Variants in NOVA1 observed in about 807,000 individuals in gnomAD.
NOVA1 encodes NOVA alternative splicing regulator 1, also known as RNA-binding protein Nova-1.
NOVA1 carries 7 observed loss-of-function variants against 38.0 expected under a neutral mutation model. The observed-to-expected ratio is 0.18, with a 90% CI of 0.10 to 0.35. The LOEUF is 0.35. Ranked by LOEUF, NOVA1 falls within the 10% of genes least tolerant of loss-of-function variation. The pLI is 1.00. For missense variants in NOVA1, 460 were observed against 616.0 expected (o/e 0.75, Z 2.68); for synonymous variants, 270 against 232.5 (o/e 1.16, Z -1.47).
At chr14:26,460,936 A>G (rs1244475047) in intron 4 of NOVA1, among the ~76,000 whole-genome samples, 1 of 151,936 alleles carries the variant, frequency 6.6e-6, no homozygotes, top group Non-Finnish European at 1.5e-5. Flanking sequence ...TGAACTGTAT[A>G]CACACACACA....
At position 26,448,705 on chromosome 14, in the gene NOVA1, C is replaced by A. The variant is rs200148996; in HGVS notation, c.778G>T (p.Gly260Cys). 2 of 1,614,082 alleles carry A rather than the reference C, an allele frequency of 1.2e-6. No homozygotes were observed. Among genetic ancestry groups the A allele is most frequent in the Non-Finnish European group, 1.7e-6 (2 of 1,180,040 alleles). The change falls in exon 5 of 5, where the codon GGT becomes TGT. Residue 260 changes from glycine (G) to cysteine (C), a missense_variant. Coordinates refer to ENST00000539517, the MANE Select transcript of NOVA1 (RefSeq NM_002515.3). The surrounding 1 kb of genome is among the most constrained non-coding windows in gnomAD (Gnocchi z 5.3). ...GTTGGATTGGAATTTGCCACTGGAC[C>A]TGTCACATTGGCATAACTGATATTG... is the stretch of plus-strand genomic sequence containing the variant. ...CLNISYANVT[G>C]PVANSNPTGS...
intron 3 of NOVA1, among the ~76,000 whole-genome samples, chr14:26,477,696 A>G (rs1331531990): frequency 6.6e-6 from 1 of 152,138 alleles, no homozygotes; most frequent in Admixed American, 6.5e-5. Context: ...TTTCAGAAGT[A>G]AAATTAAGGT....
At chr14:26,596,040 G>A (rs1001373793) in intron 1 of NOVA1, 3 of 251,768 alleles carry the variant, frequency 1.2e-5, no homozygotes, top group African/African-American at 2.3e-5. Context: ...ATTAGCCATT[G>A]CCTATATCCT....
intron 2 of NOVA1, among the ~76,000 whole-genome samples, chr14:26,553,347 C>G (rs1450906080): frequency 6.6e-6 from 1 of 152,220 alleles, no homozygotes; most frequent in Non-Finnish European, 1.5e-5. Flanking sequence ...AGTGCCTTCT[C>G]CTGTCCCCAT....
chr14:26,546,719 T>G (rs1890809198), intron 2 of NOVA1, among the ~76,000 whole-genome samples: 2 of 152,148 alleles, frequency 1.3e-5, no homozygotes, highest in Admixed American at 1.3e-4. Flanking sequence ...ACATAAGTAC[T>G]GAAAAATTCA....
chr14:26,488,207 T>C (rs117771107), intron 2 of NOVA1, among the ~76,000 whole-genome samples: 4 of 152,268 alleles, frequency 2.6e-5, no homozygotes, highest in Admixed American at 6.5e-5. Context: ...AAAGTCAACA[T>C]AGTGAAGGCC....
At chr14:26,573,042 G>C (rs138330294) in intron 2 of NOVA1, among the ~76,000 whole-genome samples, 3 of 151,962 alleles carry the variant, frequency 2.0e-5, no homozygotes, top group Non-Finnish European at 4.4e-5. Flanking sequence ...AGGGATCTAC[G>C]GGGCCAAGGA....
chr14:26,539,191 T>A (rs2138588422), intron 2 of NOVA1, among the ~76,000 whole-genome samples: 1 of 152,284 alleles, frequency 6.6e-6, no homozygotes, highest in African/African-American at 2.4e-5. Flanking sequence ...ATCCCCAGCA[T>A]GCAGGACAGT....
chr14:26,476,943 G>A (rs545996452), intron 3 of NOVA1, among the ~76,000 whole-genome samples: 13 of 148,442 alleles, frequency 8.8e-5, no homozygotes, highest in South Asian at 4.1e-4. Flanking sequence ...TCAAACTCCC[G>A]ACCTCAGGTG....
intron 2 of NOVA1, among the ~76,000 whole-genome samples, chr14:26,583,061 T>A (rs1016951317): frequency 6.6e-6 from 1 of 151,764 alleles, no homozygotes; most frequent in African/African-American, 2.4e-5. Flanking sequence ...AACATACCTT[T>A]CCTTAAACAG....
intron 2 of NOVA1, among the ~76,000 whole-genome samples, chr14:26,586,827 T>C (rs11851681): frequency 0.35 from 53,027 of 150,310 alleles, 11,477 homozygotes; most frequent in African/African-American, 0.61. Flanking sequence ...CCAAAGAGCA[T>C]CCTGCCTATG....
chr14:26,470,621 C>A, intron 4 of NOVA1: 1 of 592,722 alleles, frequency 1.7e-6, no homozygotes, highest in South Asian at 2.3e-5. Context: ...GTAAATGTAG[C>A]ACTTTATCTA....
intron 2 of NOVA1, among the ~76,000 whole-genome samples, chr14:26,491,225 C>G (rs1886320195): frequency 6.6e-6 from 1 of 151,890 alleles, no homozygotes; most frequent in Non-Finnish European, 1.5e-5. Flanking sequence ...AAGCTGGTCT[C>G]CAAATTCTGG....
intron 2 of NOVA1, among the ~76,000 whole-genome samples, chr14:26,557,356 G>A (rs1331090935): frequency 1.3e-5 from 2 of 151,986 alleles, no homozygotes; most frequent in Admixed American, 6.6e-5. Context: ...ATTGCTGGTG[G>A]GAATGCAAAA....
At chr14:26,455,517 T>C (rs1441980349) in intron 4 of NOVA1, among the ~76,000 whole-genome samples, 5 of 152,020 alleles carry the variant, frequency 3.3e-5, no homozygotes, top group Non-Finnish European at 7.4e-5. Flanking sequence ...TGTTCAAAAT[T>C]CTTCAATGAA....
At chr14:26,538,116 T>G (rs1890231983) in intron 2 of NOVA1, among the ~76,000 whole-genome samples, 1 of 152,148 alleles carries the variant, frequency 6.6e-6, no homozygotes, top group African/African-American at 2.4e-5. Context: ...AAGTTGGAAC[T>G]TTTAGATTAT....
chr14:26,578,192 T>C (rs1345811359), intron 2 of NOVA1, among the ~76,000 whole-genome samples: 1 of 151,908 alleles, frequency 6.6e-6, no homozygotes, highest in Non-Finnish European at 1.5e-5. Flanking sequence ...TTAACATGAG[T>C]AGTTTCAGTG....
At chr14:26,596,935 C>G (rs962897463) in intron 1 of NOVA1, 12 of 1,190,964 alleles carry the variant, frequency 1.0e-5, no homozygotes, top group African/African-American at 1.6e-5. Flanking sequence ...CATCTTCGGG[C>G]GGCCATCACC....
At position 26,448,907 on chromosome 14, in the gene NOVA1, A is replaced by G. The variant is rs1566427347; in HGVS notation, c.576T>C (p.Ala192=). 4 of 1,614,120 alleles carry G rather than the reference A, an allele frequency of 2.5e-6. No homozygotes were observed. The highest frequency in any genetic ancestry group is 3.4e-6 in the Non-Finnish European group (4 of 1,180,024). The change falls in exon 5 of 5, where the codon GCT becomes GCC. Residue 192 remains alanine (A), a synonymous_variant. Transcript: ENST00000539517. This position sits in a 1 kb window ranked among gnomAD's most constrained non-coding sequence, Gnocchi z 5.3. ...ACTGCTCCATTACAGCCTTCACAGT[A>G]GCACCTCCCTTCCCTATTATCAGAC... ...TAGLIIGKGG[A]TVKAVMEQSG...
Sources: gnomAD v4.1 joint callset for allele counts (sites outside exome capture counted in the v4.1 genomes callset) on GRCh38, gnomAD v4.1.1 for gene constraint, Gnocchi (gnomAD v3.1) non-coding constraint, MANE v1.5 for transcripts, NCBI Gene and HGNC (gene_info 2026-07-23, HGNC 2026-07-21) for gene names.